The following IL1RAPL1 variants were observed in gnomAD, a reference collection of about 807,000 sequenced individuals.
IL1RAPL1 encodes interleukin-1 receptor accessory protein-like 1.
IL1RAPL1 carries 3 observed loss-of-function variants against 48.4 expected under a neutral mutation model. That is an observed-to-expected ratio of 0.06 (90% CI 0.03 to 0.16). The LOEUF (loss-of-function observed/expected upper bound fraction) is 0.16. Among genes scored for constraint, IL1RAPL1 ranks in the 10% least tolerant of loss-of-function variants. The pLI is 1.00. For synonymous variants in IL1RAPL1, 185 were observed against 187.7 expected (o/e 0.99, Z 0.12); for missense variants, 349 against 530.6 (o/e 0.66, Z 3.36).
At chrX:29,230,526 A>AAAAACAAAC (rs1555978834) in intron 2 of IL1RAPL1, among the ~76,000 whole-genome samples, 2 of 97,712 alleles carry the variant, frequency 2.0e-5, no homozygotes, top group Admixed American at 1.1e-4. Flanking sequence ...AAAAAAAAAA[A>AAAAACAAAC]AAAAAAAAAC....
intron 1 of IL1RAPL1, among the ~76,000 whole-genome samples, chrX:28,772,326 A>G (rs1601896800): frequency 9.0e-6 from 1 of 111,537 alleles, no homozygotes; most frequent in Admixed American, 9.5e-5. Flanking sequence ...AAAAAAATCT[A>G]TTCTCCTTAA....
Position 29,954,962 on chromosome X carries a change from A to G in IL1RAPL1, c.1373-140A>G, listed in dbSNP as rs1264228590. On this transcript the variant is annotated intron_variant, in intron 10 of 10. Transcript: ENST00000378993. ...GAGATTTGTACCGGGAAAAAAAAAT[A>G]TTGCTGACATTAGGAGAAGCAAGTC... The G allele has an allele frequency of 2.1e-5, 12 of 564,921 alleles. No individual in the cohort carries two copies. In the African/African-American group the frequency reaches 2.3e-4, roughly 11 times the overall value. The allele number at this position is 564,921 out of a possible 1,213,427, so 46.6% of individuals were successfully genotyped here.
intron 3 of IL1RAPL1, among the ~76,000 whole-genome samples, chrX:29,346,424 G>T (rs1330112079): frequency 8.9e-6 from 1 of 112,162 alleles, no homozygotes; most frequent in East Asian, 2.8e-4. Flanking sequence ...ATTCTTGATT[G>T]CCTTCAGCTG....
At chrX:29,395,528 G>A (rs964037648) in intron 3 of IL1RAPL1, among the ~76,000 whole-genome samples, 1 of 111,439 alleles carries the variant, frequency 9.0e-6, no homozygotes, top group African/African-American at 3.3e-5. Flanking sequence ...CTTGATTTAT[G>A]TACCAGGAAG....
At chrX:29,688,656 T>C (rs185809156) in intron 6 of IL1RAPL1, among the ~76,000 whole-genome samples, 56 of 110,619 alleles carry the variant, frequency 5.1e-4, no homozygotes, top group Non-Finnish European at 8.3e-4. Context: ...AACTGATACT[T>C]AGTAAAAGTT....
intron 2 of IL1RAPL1, among the ~76,000 whole-genome samples, chrX:28,859,737 A>T (rs1446044295): frequency 9.2e-6 from 1 of 108,435 alleles, no homozygotes; most frequent in African/African-American, 3.3e-5. Flanking sequence ...GATATACAAT[A>T]ATATATAATT....
At chrX:29,065,852 G>C (rs1927440783) in intron 2 of IL1RAPL1, among the ~76,000 whole-genome samples, 1 of 111,771 alleles carries the variant, frequency 8.9e-6, no homozygotes, top group Non-Finnish European at 1.9e-5. Flanking sequence ...TTTAACTCCA[G>C]AATTTCATTT....
At chrX:29,088,401 C>T (rs1207965280) in intron 2 of IL1RAPL1, among the ~76,000 whole-genome samples, 1 of 110,845 alleles carries the variant, frequency 9.0e-6, no homozygotes. Flanking sequence ...TAAGGCCGGG[C>T]GTGGTGGCTC....
At chrX:28,651,850 G>T in intron 1 of IL1RAPL1, among the ~76,000 whole-genome samples, 1 of 111,417 alleles carries the variant, frequency 9.0e-6, no homozygotes, top group Middle Eastern at 4.7e-3. Flanking sequence ...AGAGTTATAG[G>T]GTTGTAAGGA....
intron 1 of IL1RAPL1, among the ~76,000 whole-genome samples, chrX:28,622,699 A>G (rs915023426): frequency 1.8e-5 from 2 of 112,016 alleles, no homozygotes; most frequent in African/African-American, 6.5e-5. Flanking sequence ...ATTGATTCTA[A>G]TCACAGCTGT....
At chrX:29,567,888 AG>A (rs2147796466) in intron 5 of IL1RAPL1, among the ~76,000 whole-genome samples, 1 of 111,142 alleles carries the variant, frequency 9.0e-6, no homozygotes, top group African/African-American at 3.3e-5. Context: ...GAGGTTTCAA[AG>A]GGACTTGTGA....
At chrX:28,616,421 A>C (rs1258219795) in intron 1 of IL1RAPL1, among the ~76,000 whole-genome samples, 2 of 111,445 alleles carry the variant, frequency 1.8e-5, no homozygotes, top group African/African-American at 6.5e-5. Context: ...TATTTGTAGA[A>C]AAGGCATTTT....
intron 2 of IL1RAPL1, among the ~76,000 whole-genome samples, chrX:29,028,479 G>A (rs1214418675): frequency 9.2e-6 from 1 of 108,850 alleles, no homozygotes; most frequent in Non-Finnish European, 1.9e-5. Flanking sequence ...GTAGAGACGG[G>A]GTTTCACCAT....
intron 2 of IL1RAPL1, among the ~76,000 whole-genome samples, chrX:28,986,550 G>C: frequency 8.9e-6 from 1 of 112,146 alleles, no homozygotes; most frequent in Middle Eastern, 4.7e-3. Flanking sequence ...ATATTTATCA[G>C]TGTTTTTGGT....
intron 5 of IL1RAPL1, among the ~76,000 whole-genome samples, chrX:29,459,050 G>A (rs192936702): frequency 8.6e-4 from 96 of 111,864 alleles, no homozygotes; most frequent in African/African-American, 2.8e-3. Flanking sequence ...TAGATTTGGC[G>A]TGTGGTCCAT....
Position 29,283,000 on chromosome X carries a change from G to A in IL1RAPL1, c.145G>A (p.Val49Ile). 2 of 1,210,495 alleles carry A rather than the reference G, an allele frequency of 1.7e-6. No individual in the cohort carries two copies. The highest frequency in any genetic ancestry group is 2.2e-6 in the Non-Finnish European group (2 of 894,329). ...KKYQVLVGEP[V>I]RIKCALFYGY... ...ATATCAAGTTTTGGTGGGAGAGCCT[G>A]TTCGAATCAAATGTGCACTCTTTTA... The change falls in exon 3 of 11, where the codon GTT (valine) becomes ATT (isoleucine). Residue 49 changes from valine (V) to isoleucine (I), a missense_variant. By Grantham distance (29) the Val-to-Ile change is conservative (BLOSUM62 3). Coordinates refer to ENST00000378993, the MANE Select transcript of IL1RAPL1 (RefSeq NM_014271.4).
chrX:28,856,890 G>A (rs1009590927), intron 2 of IL1RAPL1, among the ~76,000 whole-genome samples: 2 of 112,011 alleles, frequency 1.8e-5, no homozygotes, highest in African/African-American at 3.2e-5. Flanking sequence ...TCAAAAGCTA[G>A]AAATGATTAA....
intron 5 of IL1RAPL1, among the ~76,000 whole-genome samples, chrX:29,666,697 A>G (rs1381684757): frequency 9.0e-6 from 1 of 110,708 alleles, no homozygotes; most frequent in Non-Finnish European, 1.9e-5. Flanking sequence ...TTCTCTGTAG[A>G]TCTTTATTTT....
intron 2 of IL1RAPL1, among the ~76,000 whole-genome samples, chrX:29,087,171 C>T (rs775023964): frequency 6.9e-4 from 64 of 92,545 alleles, no homozygotes; most frequent in Non-Finnish European, 1.2e-3. Flanking sequence ...CGGAGCCTTG[C>T]TCTGTCGCCA....
Sources: allele counts gnomAD v4.1 joint callset (sites outside exome capture counted in the v4.1 genomes callset), GRCh38; gene constraint gnomAD v4.1.1; transcripts MANE v1.5; gene names NCBI Gene and HGNC (gene_info 2026-07-23, HGNC 2026-07-21).